The following LPIN1 variants were observed in gnomAD, a reference collection of about 807,000 sequenced individuals.
LPIN1 encodes the protein phosphatidate phosphatase LPIN1.
Under a neutral mutation model 107.5 loss-of-function variants are expected in LPIN1, and 71 were observed. The ratio of observed to expected loss-of-function variants is 0.66; its 90% CI spans 0.55 to 0.80. The LOEUF (loss-of-function observed/expected upper bound fraction) is 0.80. LPIN1 is among the 30% of genes least tolerant of loss of function. The probability of loss-of-function intolerance (pLI) is 0.00; values close to 1 mark genes in which losing one functional copy is unlikely to be tolerated. For synonymous variants in LPIN1, 445 were observed against 452.6 expected (o/e 0.98, Z 0.21); for missense variants, 1,043 against 1,160.6 (o/e 0.90, Z 1.47).
At chr2:11,750,941 G>T (rs1311427113) in intron 1 of LPIN1, among the ~76,000 whole-genome samples, 2 of 152,214 alleles carry the variant, frequency 1.3e-5, no homozygotes, top group African/African-American at 2.4e-5. Flanking sequence ...TGGACAGAGG[G>T]CTCTTGAAAG....
rs1270119479 is a variant in LPIN1 at position 11,827,323 on chromosome 2, A to G, written c.*2532A>G. 2 of 152,278 alleles carry G rather than the reference A, an allele frequency of 1.3e-5. No homozygotes were observed. Among genetic ancestry groups the G allele is most frequent in the African/African-American group, 4.8e-5 (2 of 41,478 alleles). The allele number at this position is 152,278 out of a possible 1,614,324, so 9.4% of individuals were successfully genotyped here. On this transcript the variant is annotated 3_prime_UTR_variant, in exon 21 of 21. Transcript: ENST00000674199. The surrounding 1 kb of genome is among the most constrained non-coding windows in gnomAD (Gnocchi z 4.1). ...TGTATATGCTGATGCAATGATAAAA[A>G]TCACTGTAATACTTCATTGTGTTGT...
In LPIN1 at chr2:11,755,484, A is replaced by G. The variant is rs375332933; in HGVS notation, c.-10+8813A>G. Among the ~76,000 whole-genome samples the G allele has an allele frequency of 4.5e-4, 68 of 152,288 alleles. No homozygotes were observed. The East Asian group carries it at 6.2e-3, about 14-fold the overall frequency. On this transcript the variant is annotated intron_variant, in intron 1 of 20. Coordinates refer to ENST00000674199, the MANE Select transcript of LPIN1 (RefSeq NM_001349206.2). ...CCCTGTCCTCAAGGAGAGAAGACTC[A>G]CTTGGTAGACAGATGTCTGTTCAGC...
At chr2:11,800,874 T>C (rs1677595926) in intron 14 of LPIN1, among the ~76,000 whole-genome samples, 1 of 152,246 alleles carries the variant, frequency 6.6e-6, no homozygotes, top group African/African-American at 2.4e-5. Context: ...GCTCCTTGTA[T>C]ATATACTGGG....
At chr2:11,759,182 TTTCTTTC>T (rs1669210789) in intron 1 of LPIN1, among the ~76,000 whole-genome samples, 1 of 136,524 alleles carries the variant, frequency 7.3e-6, no homozygotes, top group Non-Finnish European at 1.6e-5. Context: ...TCTTTCTTTC[TTTCTTTC>T]TTTTCTTTCT....
At chr2:11,752,453 A>G (rs1667958166) in intron 1 of LPIN1, among the ~76,000 whole-genome samples, 1 of 39,566 alleles carries the variant, frequency 2.5e-5, no homozygotes, top group African/African-American at 6.6e-4. Context: ...TTTTTTTGAG[A>G]CGGAGTCTCG....
intron 1 of LPIN1, among the ~76,000 whole-genome samples, chr2:11,751,145 G>A (rs572424435): frequency 7.1e-4 from 108 of 152,306 alleles, no homozygotes; most frequent in African/African-American, 2.5e-3. Context: ...GCAGGAACGT[G>A]AGAACAAGCG....
chr2:11,721,263 CGT>C (rs5829326), upstream of LPIN1, among the ~76,000 whole-genome samples: 55,254 of 129,506 alleles, frequency 0.43, 11,550 homozygotes, highest in South Asian at 0.55. Flanking sequence ...GTACTGCATG[CGT>C]GTGTGTGTGT....
At chr2:11,716,440 CCTCT>C (rs915124606) in intron 2 of LPIN1, among the ~76,000 whole-genome samples, 2 of 151,960 alleles carry the variant, frequency 1.3e-5, no homozygotes, top group East Asian at 3.9e-4. Flanking sequence ...CTCCCAGTCT[CCTCT>C]CTCTCTCTGT....
rs1218532782 is a variant in LPIN1 at position 11,771,842 on chromosome 2, T to C, written c.596+163T>C. On this transcript the variant is annotated intron_variant, in intron 4 of 20. Coordinates refer to ENST00000674199, the MANE Select transcript of LPIN1 (RefSeq NM_001349206.2). This position sits in a 1 kb window ranked among gnomAD's most constrained non-coding sequence, Gnocchi z 4.8. Reference sequence around the variant, plus strand: ...TAGGGACCAGTTTTGTGGAAGACAGTGTTTCCATGGACCAGGGGTGGATGG... The same window carrying C: ...TAGGGACCAGTTTTGTGGAAGACAGCGTTTCCATGGACCAGGGGTGGATGG... Among the ~76,000 whole-genome samples, 1 of 152,196 alleles carries C rather than the reference T, an allele frequency of 6.6e-6. No individual in the cohort carries two copies. The highest frequency in any genetic ancestry group is 1.5e-5 in the Non-Finnish European group (1 of 68,026).
intron 1 of LPIN1, among the ~76,000 whole-genome samples, chr2:11,726,409 C>T (rs1664659223): frequency 6.6e-6 from 1 of 152,116 alleles, no homozygotes; most frequent in Non-Finnish European, 1.5e-5. Context: ...ACGTTTTGAA[C>T]TTTCCCATTA....
At chr2:11,821,650 G>T (rs1681548747) in intron 20 of LPIN1, among the ~76,000 whole-genome samples, 1 of 152,180 alleles carries the variant, frequency 6.6e-6, no homozygotes. Flanking sequence ...TAGCTTCTGT[G>T]GTTTTAGATA....
intron 1 of LPIN1, 120 bp downstream of exon 1, chr2:11,746,791 G>A (rs112959048): frequency 0.025 from 9,386 of 368,096 alleles, 838 homozygotes; most frequent in African/African-American, 0.19. Flanking sequence ...GCTCGGCCCC[G>A]GGGCCCGAGG....
rs1422532543 is a variant in LPIN1, at chr2:11,763,985, GTGTA to G, written c.-9-1546_-9-1543del. Among the ~76,000 whole-genome samples, 130 of 146,104 alleles carry G rather than the reference GTGTA, an allele frequency of 8.9e-4. 1 individual carries two copies. The highest frequency in any genetic ancestry group is 3.3e-3 in the African/African-American group (125 of 38,152). Reference sequence around the variant, plus strand: ...TTTTAGTGTGTGTGTGTGTGTGTGTGTGTATATATATATATATATATTTGGAGAT... The same window carrying G: ...TTTTAGTGTGTGTGTGTGTGTGTGTGTATATATATATATATATTTGGAGAT... On this transcript the variant is annotated intron_variant, in intron 1 of 20. Transcript: ENST00000674199.
chr2:11,814,086 C>T (rs1188436809), intron 17 of LPIN1, among the ~76,000 whole-genome samples: 1 of 152,044 alleles, frequency 6.6e-6, no homozygotes, highest in African/African-American at 2.4e-5. Flanking sequence ...GGCCTGAGAA[C>T]CCTGGGCGCT....
chr2:11,788,638 C>T (rs972857430), intron 12 of LPIN1, among the ~76,000 whole-genome samples, 182 bp downstream of exon 12: 3 of 152,202 alleles, frequency 2.0e-5, no homozygotes, highest in Admixed American at 2.0e-4. Context: ...CACGTGGTTG[C>T]CCCTCTTCCT....
chr2:11,767,430 A>G (rs1226562033), intron 2 of LPIN1: 1 of 320,966 alleles, frequency 3.1e-6, no homozygotes, highest in Non-Finnish European at 6.0e-6. Context: ...TCTCGGAGGA[A>G]TCTTTCTATT....
chr2:11,801,993 G>A (rs1677831388), intron 14 of LPIN1, among the ~76,000 whole-genome samples: 1 of 152,190 alleles, frequency 6.6e-6, no homozygotes, highest in Non-Finnish European at 1.5e-5. Context: ...CTTGCCTAGA[G>A]GAAGGTGCTG....
At chr2:11,699,356 T>C (rs1433229983) in intron 1 of LPIN1, among the ~76,000 whole-genome samples, 1 of 152,214 alleles carries the variant, frequency 6.6e-6, no homozygotes, top group East Asian at 1.9e-4. Context: ...CAGTGAGATA[T>C]GTCATAAGTT....
At chr2:11,787,053 C>G in intron 10 of LPIN1, 21 bp from the exon 11 acceptor site, 1 of 1,548,108 alleles carries the variant, frequency 6.5e-7, no homozygotes, top group East Asian at 2.2e-5. Flanking sequence ...TTTCCCTGAT[C>G]CTCTGCAATT....
Sources: allele counts gnomAD v4.1 joint callset (sites outside exome capture counted in the v4.1 genomes callset), GRCh38; gene constraint gnomAD v4.1.1; non-coding constraint Gnocchi (gnomAD v3.1); transcripts MANE v1.5; gene names NCBI Gene and HGNC (gene_info 2026-07-23, HGNC 2026-07-21).